STXBP6: variants seen among roughly 807,000 people sequenced by gnomAD.
The protein encoded by STXBP6 is syntaxin-binding protein 6.
STXBP6 carries 21 observed loss-of-function variants against 26.9 expected under a neutral mutation model. That is an observed-to-expected ratio of 0.78 (90% CI 0.55 to 1.12). The LOEUF is 1.12. Ranked by LOEUF, STXBP6 falls within the 50% of genes most tolerant of loss-of-function variation. The pLI is 0.00. For synonymous variants in STXBP6, 97 were observed against 92.6 expected (o/e 1.05, Z -0.27); for missense variants, 232 against 257.9 (o/e 0.90, Z 0.69).
chr14:24,989,391 A>G (rs1429837598), intron 1 of STXBP6, among the ~76,000 whole-genome samples: 1 of 152,276 alleles, frequency 6.6e-6, no homozygotes, highest in Admixed American at 6.5e-5. Flanking sequence ...CCAATGGGGC[A>G]GTAAAGCAGA....
At chr14:24,885,662 A>C (rs1302068179) in intron 2 of STXBP6, among the ~76,000 whole-genome samples, 1 of 152,244 alleles carries the variant, frequency 6.6e-6, no homozygotes, top group Non-Finnish European at 1.5e-5. Context: ...TGTCTCAGTT[A>C]TCAGCTCAAC....
intron 2 of STXBP6, among the ~76,000 whole-genome samples, chr14:24,881,450 T>C (rs561958486): frequency 6.6e-6 from 1 of 152,316 alleles, no homozygotes; most frequent in South Asian, 2.1e-4. Flanking sequence ...TTAAACTGTA[T>C]AGTGGGAAAA....
chr14:24,999,294 G>A (rs2074688456), intron 1 of STXBP6, among the ~76,000 whole-genome samples: 1 of 152,168 alleles, frequency 6.6e-6, no homozygotes, highest in Admixed American at 6.5e-5. Context: ...AAAGAAGCCA[G>A]AAGGAAAAGA....
intron 2 of STXBP6, among the ~76,000 whole-genome samples, chr14:24,954,669 T>A (rs2073282432): frequency 6.6e-6 from 1 of 152,202 alleles, no homozygotes; most frequent in African/African-American, 2.4e-5. Flanking sequence ...CGGATCCCAC[T>A]GTGATTTAGG....
At chr14:24,877,713 T>C (rs1595024169) in intron 2 of STXBP6, among the ~76,000 whole-genome samples, 1 of 152,236 alleles carries the variant, frequency 6.6e-6, no homozygotes, top group African/African-American at 2.4e-5. Context: ...TCTAATCTTT[T>C]ACTATTGCAA....
At chr14:24,921,881 A>C (rs913580483) in intron 2 of STXBP6, among the ~76,000 whole-genome samples, 1 of 152,040 alleles carries the variant, frequency 6.6e-6, no homozygotes, top group Non-Finnish European at 1.5e-5. Flanking sequence ...TGGCCTGTAC[A>C]TCCCACCTTT....
At chr14:24,987,789 G>C (rs1374072723) in intron 1 of STXBP6, 1 of 960,478 alleles carries the variant, frequency 1.0e-6, no homozygotes, top group East Asian at 1.1e-4. Context: ...TTACCCAAGG[G>C]AGATGCAGAG....
At position 24,931,241 on chromosome 14, in the gene STXBP6, T is replaced by TG. The variant is rs887638188; in HGVS notation, c.154+43423dup. On this transcript the variant is annotated intron_variant, in intron 2 of 5. Transcript: ENST00000323944. Reference sequence around the variant, plus strand: ...TCACACACGGGGGCCTGTCGTGAGGTGGGGGGAGGGGGGAGGGATAGCATT... The same window carrying TG: ...TCACACACGGGGGCCTGTCGTGAGGTGGGGGGGAGGGGGGAGGGATAGCATT... Among the ~76,000 whole-genome samples, 9 of 20,552 alleles carry TG rather than the reference T, an allele frequency of 4.4e-4. No individual in the cohort carries two copies. The East Asian group carries it at 6.9e-3, about 16-fold the overall frequency. The allele number at this position is 20,552 out of a possible 152,430, so 13.5% of individuals were successfully genotyped here.
chr14:25,049,953 G>C lies in STXBP6; in HGVS notation c.-108C>G, dbSNP rs1388524354. 1.7e-5 allele frequency: 15 copies of C among 882,894 alleles called. No individual in the cohort carries two copies. Among genetic ancestry groups the C allele is most frequent in the Non-Finnish European group, 2.0e-5 (15 of 738,232 alleles). 54.7% of individuals were successfully genotyped at this position (882,894 alleles called of 1,614,324 possible). A position where few individuals can be genotyped will look rare whatever the true frequency, so the allele number is the denominator to read the frequency against. Reference sequence around the variant, plus strand: ...AGAGCACGAGGCTCCTCCCCGGGGGGCTGCCCCGCGCGGGGCTCCGGGCTC... The same window carrying C: ...AGAGCACGAGGCTCCTCCCCGGGGGCCTGCCCCGCGCGGGGCTCCGGGCTC... On this transcript the variant is annotated 5_prime_UTR_variant, in exon 1 of 6. Coordinates refer to ENST00000323944, the MANE Select transcript of STXBP6 (RefSeq NM_001394410.1). The surrounding 1 kb of genome is among the most constrained non-coding windows in gnomAD (Gnocchi z 5.6).
intron 4 of STXBP6, among the ~76,000 whole-genome samples, chr14:24,838,760 A>G (rs1352533298): frequency 1.3e-5 from 2 of 152,150 alleles, no homozygotes; most frequent in African/African-American, 4.8e-5. Context: ...CCTAGAGGCT[A>G]ATAATTCCTT....
At chr14:25,013,916 C>A (rs10150874) in intron 1 of STXBP6, among the ~76,000 whole-genome samples, 20,025 of 151,890 alleles carry the variant, frequency 0.13, 1,804 homozygotes, top group African/African-American at 0.26. Context: ...ACTAAATAGC[C>A]CATATTTGAT....
chr14:24,933,840 C>T (rs116562087), intron 2 of STXBP6, among the ~76,000 whole-genome samples: 1 of 151,870 alleles, frequency 6.6e-6, no homozygotes, highest in Non-Finnish European at 1.5e-5. Context: ...AAAAAAGAAA[C>T]CTAAAATATA....
At position 24,887,362 on chromosome 14, in the gene STXBP6, A is replaced by C. The variant is rs530230826; in HGVS notation, c.155-30205T>G. 1.2e-4 allele frequency among the ~76,000 whole-genome samples: 18 copies of C among 152,196 alleles called. No homozygotes were observed. The South Asian group carries it at 3.5e-3, about 30-fold the overall frequency. On this transcript the variant is annotated intron_variant, in intron 2 of 5. Transcript: ENST00000323944. ...ACTTAGAACACATTCCCAACTATTA[A>C]TTTTTCCACTTTCATGATTCAATTT...
intron 4 of STXBP6, among the ~76,000 whole-genome samples, chr14:24,840,840 C>CTT (rs33918222): frequency 6.8e-6 from 1 of 146,486 alleles, no homozygotes; most frequent in African/African-American, 2.5e-5. Flanking sequence ...AATGTAACTG[C>CTT]TTTTTTTTTT....
chr14:24,874,374 A>G (rs1160556694), intron 2 of STXBP6, among the ~76,000 whole-genome samples: 2 of 152,120 alleles, frequency 1.3e-5, no homozygotes, highest in Non-Finnish European at 2.9e-5. Flanking sequence ...TTTCTAGCCA[A>G]CATTTCCATA....
intron 1 of STXBP6, among the ~76,000 whole-genome samples, chr14:25,017,311 C>T (rs1400654055): frequency 6.6e-6 from 1 of 152,170 alleles, no homozygotes; most frequent in Non-Finnish European, 1.5e-5. Flanking sequence ...TGAAAGACCA[C>T]CCATGTCATA....
At chr14:24,943,059 A>G (rs2072860305) in intron 2 of STXBP6, among the ~76,000 whole-genome samples, 2 of 152,212 alleles carry the variant, frequency 1.3e-5, no homozygotes, top group Non-Finnish European at 2.9e-5. Context: ...GTTGGCTGAC[A>G]GGGTTAGCAT....
chr14:24,883,197 G>GT (rs1408576651), intron 2 of STXBP6, among the ~76,000 whole-genome samples: 1 of 152,070 alleles, frequency 6.6e-6, no homozygotes, highest in East Asian at 1.9e-4. Context: ...TCCTCTGAGT[G>GT]TTTACTTCTC....
intron 5 of STXBP6, among the ~76,000 whole-genome samples, chr14:24,818,404 C>T (rs2068042772): frequency 6.6e-6 from 1 of 152,138 alleles, no homozygotes. Flanking sequence ...CACTCAGTCA[C>T]GCAGGAAATG....
Sources: allele counts gnomAD v4.1 joint callset (sites outside exome capture counted in the v4.1 genomes callset), GRCh38; gene constraint gnomAD v4.1.1; non-coding constraint Gnocchi (gnomAD v3.1); transcripts MANE v1.5; gene names NCBI Gene and HGNC (gene_info 2026-07-23, HGNC 2026-07-21).